GRIK1: variants seen among roughly 807,000 people sequenced by gnomAD.
GRIK1 encodes glutamate ionotropic receptor kainate type subunit 1.
In GRIK1, 69 loss-of-function variants were observed where a neutral mutation model predicts 105.7. The observed-to-expected ratio is 0.65, with a 90% CI of 0.54 to 0.80. The LOEUF (loss-of-function observed/expected upper bound fraction) is 0.80. Among genes scored for constraint, GRIK1 ranks in the 30% least tolerant of loss-of-function variants. The pLI, the probability that GRIK1 is intolerant of heterozygous loss-of-function variation, is 0.00. For missense variants in GRIK1, 1,109 were observed against 1,167.3 expected (o/e 0.95, Z 0.73); for synonymous variants, 438 against 431.3 (o/e 1.02, Z -0.19).
intron 3 of GRIK1, among the ~76,000 whole-genome samples, chr21:29,680,246 C>T (rs534652385): frequency 6.6e-6 from 1 of 152,304 alleles, no homozygotes; most frequent in South Asian, 2.1e-4. Context: ...AGCAATCATT[C>T]AAACATAGCC....
At chr21:29,800,387 C>T (rs2066672636) in intron 1 of GRIK1, among the ~76,000 whole-genome samples, 2 of 152,152 alleles carry the variant, frequency 1.3e-5, no homozygotes, top group Non-Finnish European at 2.9e-5. Context: ...GCCCATTTTC[C>T]CCACTCTAAA....
chr21:29,570,031 A>G (rs1236514663), intron 14 of GRIK1, among the ~76,000 whole-genome samples: 1 of 152,168 alleles, frequency 6.6e-6, no homozygotes, highest in African/African-American at 2.4e-5. Flanking sequence ...ATCTCCTAAG[A>G]TGCTGGTGGT....
intron 1 of GRIK1, among the ~76,000 whole-genome samples, chr21:29,720,620 G>A (rs1002010930): frequency 1.3e-5 from 2 of 152,020 alleles, no homozygotes; most frequent in African/African-American, 4.8e-5. Context: ...ATAGCTGGCC[G>A]GCTCATGGAG....
In GRIK1 at chr21:29,939,425, A is replaced by G. The variant is rs1477605346; in HGVS notation, c.76T>C (p.Cys26Arg). ...DTSWALLYFL[C>R]YILPQTAPQV... is the part of the protein sequence containing the mutation. ...GGGGCGGTCTGAGGGAGGATATAGC[A>G]GAGGAAATAGAGGAGTGCCCAGCTG... Residue 26 changes from cysteine to arginine, a missense_variant, in exon 1 of 18, where the codon TGC becomes CGC. By Grantham distance (180) the Cys-to-Arg change is radical (BLOSUM62 -3). Around this residue, in one of 5 missense-constraint regions of GRIK1, gnomAD observed 612 missense variants for 586.0 expected, o/e 1.04. Transcript: ENST00000327783. 11 of 1,584,294 alleles carry G rather than the reference A, an allele frequency of 6.9e-6. No homozygotes were observed. The highest frequency in any genetic ancestry group is 2.7e-5 in the African/African-American group (2 of 73,898).
At chr21:29,674,751 T>G (rs1430814217) in intron 3 of GRIK1, among the ~76,000 whole-genome samples, 1 of 152,188 alleles carries the variant, frequency 6.6e-6, no homozygotes, top group East Asian at 1.9e-4. Flanking sequence ...TCCCCAGCCA[T>G]GTGGAAATAT....
intron 1 of GRIK1, among the ~76,000 whole-genome samples, chr21:29,925,089 A>T (rs2071315634): frequency 6.6e-6 from 1 of 152,234 alleles, no homozygotes; most frequent in Non-Finnish European, 1.5e-5. Flanking sequence ...TTACTACGTG[A>T]TGCCTTGTCA....
At chr21:29,540,484 C>T (rs913182341) in intron 16 of GRIK1, among the ~76,000 whole-genome samples, 3 of 152,112 alleles carry the variant, frequency 2.0e-5, no homozygotes, top group Non-Finnish European at 4.4e-5. Context: ...ACCTTTAAGG[C>T]CTCTCCCAGC....
At chr21:29,893,964 CAG>C (rs2070008419) in intron 1 of GRIK1, among the ~76,000 whole-genome samples, 1 of 152,046 alleles carries the variant, frequency 6.6e-6, no homozygotes, top group African/African-American at 2.4e-5. Flanking sequence ...GCCTGCAGAA[CAG>C]AGAATAAATC....
chr21:29,620,790 T>TATATAG (rs1395854796), intron 7 of GRIK1, among the ~76,000 whole-genome samples: 15 of 113,580 alleles, frequency 1.3e-4, no homozygotes, highest in African/African-American at 6.2e-4. Context: ...TAGATATATA[T>TATATAG]ATCTATATAT....
chr21:29,550,424 G>C (rs2090114950), intron 16 of GRIK1, among the ~76,000 whole-genome samples: 1 of 152,132 alleles, frequency 6.6e-6, no homozygotes, highest in African/African-American at 2.4e-5. Flanking sequence ...ATGATTTATT[G>C]AGTTCTAATT....
intron 1 of GRIK1, among the ~76,000 whole-genome samples, chr21:29,926,091 A>G (rs1365503877): frequency 1.9e-5 from 2 of 107,436 alleles, no homozygotes; most frequent in Non-Finnish European, 3.8e-5. Flanking sequence ...AGAAATACCT[A>G]GATCATAAAA....
In GRIK1 at chr21:29,708,053, G is replaced by A. The variant is rs113268592; in HGVS notation, c.119-13990C>T. Among the ~76,000 whole-genome samples the A allele has an allele frequency of 7.2e-3, 1,100 of 152,246 alleles. 16 individuals carry two copies. The highest frequency in any genetic ancestry group is 0.025 in the African/African-American group (1,056 of 41,526). On this transcript the variant is annotated intron_variant, in intron 1 of 17. Transcript: ENST00000327783. ...TATAAACAGTTTAGGCTTTTATTAT[G>A]TAATGCTACAGGGACCTGCAGAAGT...
rs183434371 is a variant in GRIK1, at chr21:29,912,993, A to G, written c.118+26390T>C. 9.5e-4 allele frequency among the ~76,000 whole-genome samples: 144 copies of G among 152,270 alleles called. 1 individual carries two copies. Among genetic ancestry groups the G allele is most frequent in the African/African-American group, 3.3e-3 (139 of 41,578 alleles). On this transcript the variant is annotated intron_variant, in intron 1 of 17. Transcript: ENST00000327783. ...TACAAGACATACTTAATAATAACAT[A>G]TTCATTACATGACGTACTTAATACA...
intron 1 of GRIK1, among the ~76,000 whole-genome samples, chr21:29,814,993 A>G (rs1182970349): frequency 6.6e-6 from 1 of 152,170 alleles, no homozygotes; most frequent in Non-Finnish European, 1.5e-5. Flanking sequence ...CATCACATCC[A>G]TTTTATAAGC....
At chr21:29,799,222 C>T (rs757292542) in intron 1 of GRIK1, among the ~76,000 whole-genome samples, 13 of 152,182 alleles carry the variant, frequency 8.5e-5, no homozygotes, top group Non-Finnish European at 1.6e-4. Context: ...ATCTGTCTTG[C>T]TTAATTTTAT....
intron 7 of GRIK1, among the ~76,000 whole-genome samples, chr21:29,617,233 C>T (rs549423605): frequency 1.4e-4 from 21 of 152,284 alleles, no homozygotes; most frequent in African/African-American, 4.6e-4. Flanking sequence ...AGAGTTGCTG[C>T]CTTTTGGTGC....
chr21:29,885,777 T>A (rs2069602643), intron 1 of GRIK1, among the ~76,000 whole-genome samples: 1 of 152,096 alleles, frequency 6.6e-6, no homozygotes, highest in Admixed American at 6.6e-5. Flanking sequence ...CCATAAACCA[T>A]CAAAAGCATT....
At position 29,587,478 on chromosome 21, in the gene GRIK1, T is replaced by A. The variant is rs1445628072; in HGVS notation, c.1681A>T (p.Asn561Tyr). Residue 561 changes from asparagine to tyrosine, a missense_variant, in exon 12 of 18, where the codon AAT (asparagine) becomes TAT (tyrosine). Asn to Tyr is a moderately radical substitution (Grantham distance 143). Around this residue, in one of 5 missense-constraint regions of GRIK1, gnomAD observed 264 missense variants for 306.9 expected, o/e 0.86. Coordinates refer to ENST00000327783, the MANE Select transcript of GRIK1 (RefSeq NM_001330994.2). ...LGISILYRKP[N>Y]GTNPGVFSFL... ...GAGAAAACGCCTGGATTGGTACCAT[T>A]GGGCTTCCGGTAGAGAATGCTGATG... 1 of 1,613,242 alleles carries A rather than the reference T, an allele frequency of 6.2e-7. No homozygotes were observed. Among genetic ancestry groups the A allele is most frequent in the South Asian group, 1.1e-5 (1 of 91,070 alleles).
chr21:29,553,612 A>G, intron 16 of GRIK1: 1 of 1,609,220 alleles, frequency 6.2e-7, no homozygotes, highest in Non-Finnish European at 8.5e-7. Flanking sequence ...GAATTAATTT[A>G]CCACATTCTA....
Sources: gnomAD v4.1 joint callset for allele counts (sites outside exome capture counted in the v4.1 genomes callset) on GRCh38, gnomAD v4.1.1 for gene constraint, gnomAD v4.1.1 regional missense constraint, MANE v1.5 for transcripts, NCBI Gene and HGNC (gene_info 2026-07-23, HGNC 2026-07-21) for gene names.